The following LRRCC1 variants were observed in gnomAD, a reference collection of about 807,000 sequenced individuals.
LRRCC1 encodes the protein leucine-rich repeat and coiled-coil domain-containing protein 1.
Under a neutral mutation model 126.0 loss-of-function variants are expected in LRRCC1, and 115 were observed. The observed-to-expected ratio is 0.91, with a 90% CI of 0.78 to 1.07. The LOEUF (loss-of-function observed/expected upper bound fraction) is 1.07, where lower values mean the gene tolerates loss of function less well. Among genes scored for constraint, LRRCC1 ranks in the 50% least tolerant of loss-of-function variants. The pLI is 0.00. For missense variants in LRRCC1, 1,172 were observed against 1,175.7 expected (o/e 1.00, Z 0.05); for synonymous variants, 400 against 393.4 (o/e 1.02, Z -0.20).
chr8:85,124,939 G>C lies in LRRCC1; in HGVS notation c.1272G>C (p.Gln424His). ...DQSHSEDNTY[Q>H]SLVEQLDQER... ...GTCACTCAGAAGACAACACTTACCA[G>C]GTATGATTTAAGAGTTAAAGAAAAA... The change falls in exon 8 of 19, where the codon CAG becomes CAC. Residue 424 changes from glutamine to histidine, a missense_variant and splice_region_variant. Coordinates refer to ENST00000360375, the MANE Select transcript of LRRCC1 (RefSeq NM_033402.5). 4 of 1,579,680 alleles carry C rather than the reference G, an allele frequency of 2.5e-6. No individual in the cohort carries two copies. The highest frequency in any genetic ancestry group is 3.4e-6 in the Non-Finnish European group (4 of 1,167,216).
chr8:85,124,775 T>C lies in LRRCC1; in HGVS notation c.1125-17T>C, dbSNP rs1476721116. 1 of 1,458,250 alleles carries C rather than the reference T, an allele frequency of 6.9e-7. No homozygotes were observed. Among genetic ancestry groups the C allele is most frequent in the African/African-American group, 1.4e-5 (1 of 69,188 alleles). 90.3% of individuals were successfully genotyped at this position (1,458,250 alleles called of 1,614,324 possible). A position where few individuals can be genotyped will look rare whatever the true frequency, so the allele number is the denominator to read the frequency against. On this transcript the variant is annotated splice_polypyrimidine_tract_variant and intron_variant, in intron 7 of 18. Transcript: ENST00000360375. ...CACTACTTTTTTGAGTTATTTTCTA[T>C]GTTTCATTCTTTACAGTTGTAATCG... is the stretch of plus-strand genomic sequence containing the variant.
chr8:85,107,802 G>C (rs1457768331), intron 1 of LRRCC1: 1 of 157,702 alleles, frequency 6.3e-6, no homozygotes, highest in Non-Finnish European at 1.4e-5. Context: ...AAAAAAACCT[G>C]CAGGATAGTA....
chr8:85,125,954 T>G, intron 8 of LRRCC1, among the ~76,000 whole-genome samples: 1 of 152,292 alleles, frequency 6.6e-6, no homozygotes, highest in South Asian at 2.1e-4. Flanking sequence ...TTACTTAACC[T>G]ATTGTGCCTG....
chr8:85,116,219 G>C (rs781191035), intron 6 of LRRCC1, among the ~76,000 whole-genome samples: 3 of 152,188 alleles, frequency 2.0e-5, no homozygotes, highest in Non-Finnish European at 4.4e-5. Flanking sequence ...CACAGTGGCA[G>C]TGGTTCTCTT....
chr8:85,109,845 T>G, intron 2 of LRRCC1, 45 bp downstream of exon 2: 1 of 1,013,536 alleles, frequency 9.9e-7, no homozygotes, highest in Non-Finnish European at 1.4e-6. Flanking sequence ...AGGAAAATGA[T>G]TTAGGTCCAT....
At chr8:85,110,223 C>A in intron 3 of LRRCC1, 43 bp downstream of exon 3, 2 of 833,864 alleles carry the variant, frequency 2.4e-6, no homozygotes, top group Non-Finnish European at 3.6e-6. Context: ...AAATGTTGTG[C>A]CACATGTGAT....
intron 18 of LRRCC1, among the ~76,000 whole-genome samples, chr8:85,144,556 C>T (rs1373794974): frequency 2.7e-5 from 4 of 146,452 alleles, no homozygotes; most frequent in East Asian, 2.0e-4. Context: ...GCAACCTCCA[C>T]CTCCTGGGTT....
chr8:85,138,783 G>A (rs1197636685), intron 17 of LRRCC1, among the ~76,000 whole-genome samples: 5 of 152,112 alleles, frequency 3.3e-5, no homozygotes, highest in African/African-American at 1.2e-4. Context: ...GGTGGCTCAC[G>A]CCTGCAATCC....
At position 85,109,681 on chromosome 8, in the gene LRRCC1, T is replaced by G; in HGVS notation, c.191T>G (p.Ile64Ser). The G allele has an allele frequency of 1.9e-6, 3 of 1,610,104 alleles. No individual in the cohort carries two copies. The highest frequency in any genetic ancestry group is 2.5e-6 in the Non-Finnish European group (3 of 1,176,658). Residue 64 changes from isoleucine to serine, a missense_variant, in exon 2 of 19, where the codon ATT (isoleucine) becomes AGT (serine). Transcript: ENST00000360375. ...TCCAAGATCGAAGCCATTGATCATA[T>G]TTGGAATTTACAACATCTAGATCTG... ...NISKIEAIDH[I>S]WNLQHLDLSS...
At chr8:85,111,496 G>A (rs1323102957) in intron 3 of LRRCC1, among the ~76,000 whole-genome samples, 2 of 152,150 alleles carry the variant, frequency 1.3e-5, no homozygotes, top group Non-Finnish European at 2.9e-5. Context: ...GGATAAGATA[G>A]TTAATTCTCT....
At position 85,131,858 on chromosome 8, in the gene LRRCC1, T is replaced by C. The variant is rs1023577613; in HGVS notation, c.1865T>C (p.Ile622Thr). The C allele has an allele frequency of 6.2e-7, 1 of 1,613,652 alleles. No homozygotes were observed. Among genetic ancestry groups the C allele is most frequent in the Non-Finnish European group, 8.5e-7 (1 of 1,179,836 alleles). Reference protein sequence around the residue: ...AKEEKKHEQMIKEYQEKIDVL... With the variant: ...AKEEKKHEQMTKEYQEKIDVL... Reference sequence around the variant, plus strand: ...GAAGAGAAAAAGCATGAGCAAATGATAAAAGAATACCAAGAGAAAATTGAC... The same window carrying C: ...GAAGAGAAAAAGCATGAGCAAATGACAAAAGAATACCAAGAGAAAATTGAC... The change falls in exon 12 of 19, where the codon ATA becomes ACA. Residue 622 changes from isoleucine (I) to threonine (T), a missense_variant. Transcript: ENST00000360375.
At chr8:85,136,046 C>T in intron 14 of LRRCC1, 83 bp downstream of exon 14, 1 of 1,195,612 alleles carries the variant, frequency 8.4e-7, no homozygotes, top group Non-Finnish European at 1.1e-6. Context: ...AAAGACTCAA[C>T]TCTGCCTAAA....
chr8:85,141,298 G>GC (rs1260940405), intron 17 of LRRCC1, 84 bp from the exon 18 acceptor site: 6 of 1,100,582 alleles, frequency 5.5e-6, no homozygotes, highest in African/African-American at 1.6e-5. Flanking sequence ...ATGAATGTGA[G>GC]CCACCCGAGA....
intron 17 of LRRCC1, among the ~76,000 whole-genome samples, chr8:85,140,209 G>A (rs1811167316): frequency 6.6e-6 from 1 of 152,122 alleles, no homozygotes; most frequent in Admixed American, 6.5e-5. Context: ...TTATGACTAA[G>A]ACTGGTATAC....
At chr8:85,121,999 G>A (rs1809599242) in intron 6 of LRRCC1, among the ~76,000 whole-genome samples, 1 of 152,142 alleles carries the variant, frequency 6.6e-6, no homozygotes, top group African/African-American at 2.4e-5. Context: ...TACATCTGTG[G>A]ATACTAGTCT....
Position 85,109,668 on chromosome 8 carries a change from G to T in LRRCC1, c.178G>T (p.Ala60Ser). 6.2e-7 allele frequency: 1 copy of T among 1,611,396 alleles called. No individual in the cohort carries two copies. The highest frequency in any genetic ancestry group is 1.1e-5 in the South Asian group (1 of 90,890). ...LHCNNISKIE[A>S]IDHIWNLQHL... is the part of the protein sequence containing the mutation. ...TTGCAATAACATCTCCAAGATCGAAGCCATTGATCATATTTGGAATTTACA... is the reference window on the plus strand; with the variant it reads ...TTGCAATAACATCTCCAAGATCGAATCCATTGATCATATTTGGAATTTACA... The change falls in exon 2 of 19, where the codon GCC (alanine) becomes TCC (serine). Residue 60 changes from alanine (A) to serine (S), a missense_variant. Coordinates refer to ENST00000360375, the MANE Select transcript of LRRCC1 (RefSeq NM_033402.5).
intron 12 of LRRCC1, among the ~76,000 whole-genome samples, chr8:85,133,809 C>T (rs1451608690): frequency 1.3e-5 from 2 of 152,216 alleles, no homozygotes; most frequent in Admixed American, 1.3e-4. Context: ...TATCCTTCCC[C>T]TACCCCCCTC....
At position 85,135,564 on chromosome 8, in the gene LRRCC1, A is replaced by G. The variant is rs73688678; in HGVS notation, c.2155-225A>G. 0.018 allele frequency among the ~76,000 whole-genome samples: 2,804 copies of G among 152,226 alleles called. 46 individuals are homozygous for G. Among genetic ancestry groups the G allele is most frequent in the East Asian group, 0.06 (309 of 5,176 alleles). ...TTACAGGTATAGTTTCTCTTTAACA[A>G]TTTTAGAATAAAATTCAGATTGTTT... is the stretch of plus-strand genomic sequence containing the variant. On this transcript the variant is annotated intron_variant, in intron 13 of 18. Coordinates refer to ENST00000360375, the MANE Select transcript of LRRCC1 (RefSeq NM_033402.5).
At position 85,109,612 on chromosome 8, in the gene LRRCC1, T is replaced by C. The variant is rs1171039934; in HGVS notation, c.122T>C (p.Leu41Ser). 1 of 1,599,722 alleles carries C rather than the reference T, an allele frequency of 6.3e-7. No individual in the cohort carries two copies. Among genetic ancestry groups the C allele is most frequent in the Non-Finnish European group, 8.6e-7 (1 of 1,169,280 alleles). ...KGLQSISELS[L>S]DSTLHAVNLH... ...TTTTATAGCATATCAGAATTATCTT[T>C]AGATTCAACTCTTCATGCCGTCAAT... The change falls in exon 2 of 19, where the codon TTA (leucine) becomes TCA (serine). Residue 41 changes from leucine (L) to serine (S), a missense_variant. Leu to Ser is a moderately radical substitution (Grantham distance 145). Transcript: ENST00000360375.
Sources: gnomAD v4.1 joint callset for allele counts (sites outside exome capture counted in the v4.1 genomes callset) on GRCh38, gnomAD v4.1.1 for gene constraint, MANE v1.5 for transcripts, NCBI Gene and HGNC (gene_info 2026-07-23, HGNC 2026-07-21) for gene names.